NR3C1: variants seen among roughly 807,000 people sequenced by gnomAD.
The protein encoded by NR3C1 is glucocorticoid receptor.
NR3C1 carries 14 observed loss-of-function variants against 74.0 expected under a neutral mutation model. That is an observed-to-expected ratio of 0.19 (90% confidence interval 0.12 to 0.30). The LOEUF (loss-of-function observed/expected upper bound fraction) is 0.30, where lower values mean the gene tolerates loss of function less well. Among genes scored for constraint, NR3C1 ranks in the 10% least tolerant of loss-of-function variants. The probability of loss-of-function intolerance (pLI) is 1.00; values close to 1 mark genes in which losing one functional copy is unlikely to be tolerated. For synonymous variants in NR3C1, 308 were observed against 332.5 expected (o/e 0.93, Z 0.80); for missense variants, 695 against 909.8 (o/e 0.76, Z 3.04).
Position 143,399,706 on chromosome 5 carries a change from C to T in NR3C1, c.1134G>A (p.Leu378=), listed in dbSNP as rs757176151. Residue 378 remains leucine (L), a synonymous_variant, in exon 2 of 9, where the codon CTG becomes CTA. Transcript: ENST00000394464. ...TTCGACCAGGGAAGTTCAGAGTCCC[C>T]AGAGAAGTCAAGTTGTCATCTCCAG... is the stretch of plus-strand genomic sequence containing the variant. The part of the protein sequence containing the change: ...QGSGDDNLTS[L]GTLNFPGRTV... The T allele has an allele frequency of 6.2e-7, 1 of 1,614,150 alleles. No homozygotes were observed. Among genetic ancestry groups the T allele is most frequent in the Non-Finnish European group, 8.5e-7 (1 of 1,180,010 alleles).
chr5:143,365,478 T>C (rs778785208), intron 2 of NR3C1, among the ~76,000 whole-genome samples: 11 of 152,156 alleles, frequency 7.2e-5, no homozygotes, highest in Non-Finnish European at 1.0e-4. Context: ...GATATAATAA[T>C]CATAAACTTA....
At chr5:143,414,625 C>T (rs1014652949) in intron 1 of NR3C1, among the ~76,000 whole-genome samples, 1 of 152,130 alleles carries the variant, frequency 6.6e-6, no homozygotes, top group Non-Finnish European at 1.5e-5. Context: ...AACAGAGCCT[C>T]CTGTGATTAG....
chr5:143,340,364 T>A (rs112642592), intron 2 of NR3C1, among the ~76,000 whole-genome samples: 2 of 151,956 alleles, frequency 1.3e-5, no homozygotes, highest in Non-Finnish European at 2.9e-5. Context: ...TTTGTGTGTG[T>A]ATAGAAATTG....
intron 2 of NR3C1, among the ~76,000 whole-genome samples, chr5:143,343,202 G>A (rs529241363): frequency 6.6e-6 from 1 of 152,284 alleles, no homozygotes; most frequent in East Asian, 1.9e-4. Flanking sequence ...GCAGAGCCCA[G>A]AACTAGGAAA....
At chr5:143,390,995 G>C (rs889355489) in intron 2 of NR3C1, among the ~76,000 whole-genome samples, 1 of 151,968 alleles carries the variant, frequency 6.6e-6, no homozygotes, top group African/African-American at 2.4e-5. Flanking sequence ...AATATACATA[G>C]CCTCCTAAGG....
intron 2 of NR3C1, among the ~76,000 whole-genome samples, chr5:143,359,918 AAAAAT>A (rs1272063238): frequency 6.6e-6 from 1 of 152,244 alleles, no homozygotes; most frequent in Non-Finnish European, 1.5e-5. Flanking sequence ...ACTCCGTCTC[AAAAAT>A]AAAATAAATA....
Position 143,281,718 on chromosome 5 carries a change from T to G in NR3C1, c.*171A>C. ...AGTGATGACGACTCAACTGCTTCTG[T>G]TGCCAAGTCTTGGCCCTCTATAAAC... On this transcript the variant is annotated 3_prime_UTR_variant, in exon 9 of 9. Transcript: ENST00000394464. 1.6e-6 allele frequency: 1 copy of G among 634,710 alleles called. No homozygotes were observed. The highest frequency in any genetic ancestry group is 2.7e-6 in the Non-Finnish European group (1 of 372,322). The allele number at this position is 634,710 out of a possible 1,614,324, so 39.3% of individuals were successfully genotyped here.
chr5:143,301,085 ATTTT>A (rs1044548616), intron 4 of NR3C1, among the ~76,000 whole-genome samples: 1 of 152,042 alleles, frequency 6.6e-6, no homozygotes, highest in Admixed American at 6.6e-5. Flanking sequence ...TCTATAAATT[ATTTT>A]TTTATCTCAC....
intron 2 of NR3C1, among the ~76,000 whole-genome samples, chr5:143,325,581 G>A (rs933675595): frequency 2.0e-5 from 3 of 152,184 alleles, no homozygotes; most frequent in African/African-American, 7.2e-5. Context: ...TAAAGCACAA[G>A]AATAGTGATG....
chr5:143,310,516 T>C (rs1820675003), intron 3 of NR3C1, among the ~76,000 whole-genome samples: 1 of 152,096 alleles, frequency 6.6e-6, no homozygotes. Context: ...CCAAGAACCT[T>C]TATGTAATCA....
At chr5:143,296,114 TA>T (rs1817118717) in intron 6 of NR3C1, among the ~76,000 whole-genome samples, 1 of 152,174 alleles carries the variant, frequency 6.6e-6, no homozygotes, top group South Asian at 2.1e-4. Flanking sequence ...GCATATGCCT[TA>T]ATATTCTTTA....
intron 1 of NR3C1, among the ~76,000 whole-genome samples, chr5:143,418,468 C>A (rs535574205): frequency 1.3e-5 from 2 of 152,306 alleles, no homozygotes; most frequent in Admixed American, 6.5e-5. Flanking sequence ...TCAACCCACA[C>A]AGAAGTAATT....
chr5:143,332,710 G>A (rs1424955435), intron 2 of NR3C1: 28 of 1,577,966 alleles, frequency 1.8e-5, no homozygotes, highest in East Asian at 2.2e-5. Flanking sequence ...CGTCTCAGAC[G>A]ACTAGAAGTG....
chr5:143,328,565 A>G (rs1186620167), intron 2 of NR3C1, among the ~76,000 whole-genome samples: 1 of 152,174 alleles, frequency 6.6e-6, no homozygotes, highest in East Asian at 1.9e-4. Context: ...AAATTTTCCA[A>G]ACCTTTATGT....
At chr5:143,373,520 G>C (rs950136095) in intron 2 of NR3C1, among the ~76,000 whole-genome samples, 1 of 152,078 alleles carries the variant, frequency 6.6e-6, no homozygotes, top group Non-Finnish European at 1.5e-5. Flanking sequence ...TAAATGACGA[G>C]TTGATGGGTG....
Position 143,400,618 on chromosome 5 carries a change from C to T in NR3C1, c.222G>A (p.Gln74=), listed in dbSNP as rs772411187. Residue 74 remains glutamine (Q), a synonymous_variant, in exon 2 of 9, where the codon CAG becomes CAA. Coordinates refer to ENST00000394464, the MANE Select transcript of NR3C1 (RefSeq NM_000176.3). Reference sequence around the variant, plus strand: ...AAACTGCTTTGGACAGATCTGGCTGCTGCGCATTGCTTACTGAGCCTTTTG... The same window carrying T: ...AAACTGCTTTGGACAGATCTGGCTGTTGCGCATTGCTTACTGAGCCTTTTG... The part of the protein sequence containing the change: ...DFPKGSVSNA[Q]QPDLSKAVSL... 1.2e-6 allele frequency: 2 copies of T among 1,614,238 alleles called. No homozygotes were observed. The highest frequency in any genetic ancestry group is 1.7e-6 in the Non-Finnish European group (2 of 1,180,034).
rs1813141748 is a variant in NR3C1, at chr5:143,281,746, C to G, written c.*143G>C. On this transcript the variant is annotated 3_prime_UTR_variant, in exon 9 of 9. Transcript: ENST00000394464. ...CCAAGTCTTGGCCCTCTATAAACCA[C>G]ATGTAGTGCGTATTTAAAACAAAAC... 1.2e-6 allele frequency: 1 copy of G among 861,658 alleles called. No homozygotes were observed. The highest frequency in any genetic ancestry group is 2.4e-5 in the Admixed American group (1 of 42,552). 53.4% of individuals were successfully genotyped at this position (861,658 alleles called of 1,614,324 possible).
chr5:143,360,918 T>C (rs932411152), intron 2 of NR3C1, among the ~76,000 whole-genome samples: 3 of 152,142 alleles, frequency 2.0e-5, no homozygotes, highest in Admixed American at 6.6e-5. Context: ...TTATCTTGAG[T>C]CTATCCAGTG....
chr5:143,309,000 G>C (rs1264860670), intron 4 of NR3C1, among the ~76,000 whole-genome samples: 1 of 151,680 alleles, frequency 6.6e-6, no homozygotes, highest in African/African-American at 2.4e-5. Context: ...TTAATGCTGA[G>C]ATCAGTGTTA....
Sources: allele counts gnomAD v4.1 joint callset (sites outside exome capture counted in the v4.1 genomes callset), GRCh38; gene constraint gnomAD v4.1.1; transcripts MANE v1.5; gene names NCBI Gene and HGNC (gene_info 2026-07-23, HGNC 2026-07-21).